Variants in GRAMD2A observed in about 807,000 individuals in gnomAD.
GRAMD2A encodes the protein GRAM domain-containing protein 2A.
A neutral mutation model predicts 51.1 loss-of-function variants in GRAMD2A; 37 were observed. That is an observed-to-expected ratio of 0.72 (90% CI 0.56 to 0.95). The LOEUF (loss-of-function observed/expected upper bound fraction) is 0.95. GRAMD2A is among the 40% of genes least tolerant of loss of function. GRAMD2A has a pLI of 0.00. For synonymous variants in GRAMD2A, 136 were observed against 157.1 expected (o/e 0.87, Z 1.01); for missense variants, 414 against 426.9 (o/e 0.97, Z 0.27).
chr15:72,165,258 C>T (rs1191849258), intron 8 of GRAMD2A, 96 bp downstream of exon 8: 1 of 1,082,052 alleles, frequency 9.2e-7, no homozygotes. Context: ...CCTGGTGCCC[C>T]AGTTCTGCAT....
At chr15:72,167,135 G>A (rs1426250639) in intron 5 of GRAMD2A, 43 bp from the exon 6 acceptor site, 1 of 1,463,226 alleles carries the variant, frequency 6.8e-7, no homozygotes, top group South Asian at 1.1e-5. Flanking sequence ...AACCCCCAAG[G>A]ACGTGGTCCC....
Position 72,166,299 on chromosome 15 carries a change from C to T in GRAMD2A, c.543+333G>A, listed in dbSNP as rs1381495537. Among the ~76,000 whole-genome samples, 1 of 152,202 alleles carries T rather than the reference C, an allele frequency of 6.6e-6. No homozygotes were observed. Among genetic ancestry groups the T allele is most frequent in the East Asian group, 1.9e-4 (1 of 5,202 alleles). On this transcript the variant is annotated intron_variant, in intron 7 of 11. Transcript: ENST00000309731. This position sits in a 1 kb window ranked among gnomAD's most constrained non-coding sequence, Gnocchi z 4.1. Reference sequence around the variant, plus strand: ...GTTTAAGGGAGGTGAGGCTAAGCTACGATGTTCTGTAGGTGATGTGTACCT... The same window carrying T: ...GTTTAAGGGAGGTGAGGCTAAGCTATGATGTTCTGTAGGTGATGTGTACCT...
chr15:72,168,419 A>G, intron 4 of GRAMD2A, 72 bp downstream of exon 4: 1 of 1,048,226 alleles, frequency 9.5e-7, no homozygotes, highest in Non-Finnish European at 1.5e-6. Flanking sequence ...CGTGCTTTGG[A>G]GGCTCCAGAG....
chr15:72,181,077 G>A (rs1299964649), intron 1 of GRAMD2A, among the ~76,000 whole-genome samples: 1 of 152,232 alleles, frequency 6.6e-6, no homozygotes, highest in Admixed American at 6.5e-5. Flanking sequence ...TCACTGTAGA[G>A]GGGTTGCCAT....
chr15:72,188,255 T>A (rs1267542336), intron 1 of GRAMD2A, among the ~76,000 whole-genome samples: 1 of 151,716 alleles, frequency 6.6e-6, no homozygotes, highest in East Asian at 1.9e-4. Context: ...GAGAATCACT[T>A]GAACCCAGGA....
chr15:72,188,462 C>A (rs1484787250), intron 1 of GRAMD2A, among the ~76,000 whole-genome samples: 2 of 151,946 alleles, frequency 1.3e-5, no homozygotes, highest in East Asian at 3.8e-4. Context: ...GCTATGTAAC[C>A]ATTAAAAATA....
At chr15:72,163,535 G>A (rs1372284238) in intron 9 of GRAMD2A, 59 bp from the exon 10 acceptor site, 3 of 1,597,598 alleles carry the variant, frequency 1.9e-6, no homozygotes, top group Non-Finnish European at 2.6e-6. Context: ...GCTGTGGTGA[G>A]CCCTTTTTAT....
rs78071470 is a variant in GRAMD2A, at chr15:72,169,505, G to C, written c.134+342C>G. On this transcript the variant is annotated intron_variant, in intron 2 of 11. Transcript: ENST00000309731. ...TGTGGCCTGAGCTCTGCTGCGGGGA[G>C]CTTGGCACAGACTCACCTGACCTGG... The C allele has an allele frequency of 0.013, 7,243 of 542,978 alleles. 491 individuals carry two copies. The East Asian group carries it at 0.17, about 13-fold the overall frequency. The allele number at this position is 542,978 out of a possible 1,614,324, so 33.6% of individuals were successfully genotyped here.
At position 72,160,542 on chromosome 15, in the gene GRAMD2A, C is replaced by T. The variant is rs1444413089; in HGVS notation, c.*1467G>A. 1 of 152,182 alleles carries T rather than the reference C, an allele frequency of 6.6e-6. No individual in the cohort carries two copies. Among genetic ancestry groups the T allele is most frequent in the African/African-American group, 2.4e-5 (1 of 41,416 alleles). The allele number at this position is 152,182 out of a possible 1,614,324, so 9.4% of individuals were successfully genotyped here. The stretch of plus-strand genomic sequence containing the variant: ...ACAGGACAGACAGTCGTCTGCTTCA[C>T]AATAAATAATTTCCACCTGGATTTC... On this transcript the variant is annotated 3_prime_UTR_variant, in exon 12 of 12. Coordinates refer to ENST00000309731, the MANE Select transcript of GRAMD2A (RefSeq NM_001012642.3).
At chr15:72,193,734 G>T (rs985159144) in intron 1 of GRAMD2A, among the ~76,000 whole-genome samples, 3 of 150,258 alleles carry the variant, frequency 2.0e-5, no homozygotes, top group Non-Finnish European at 4.4e-5. Flanking sequence ...CGCCCTGTTA[G>T]CCAGGATGGT....
rs1017049626 is a variant in GRAMD2A, at chr15:72,178,829, C to T, written c.42-8890G>A. 1.5e-4 allele frequency among the ~76,000 whole-genome samples: 23 copies of T among 152,072 alleles called. 1 individual carries two copies. The highest frequency in any genetic ancestry group is 3.9e-4 in the Admixed American group (6 of 15,272). On this transcript the variant is annotated intron_variant, in intron 1 of 11. Transcript: ENST00000309731. The stretch of plus-strand genomic sequence containing the variant: ...GACCTTGTGATCCGCCCGCCTCGGC[C>T]TCCCAAAGTGCTGGGATTACAGTTG...
At chr15:72,178,715 C>T (rs1190978737) in intron 1 of GRAMD2A, among the ~76,000 whole-genome samples, 1 of 151,608 alleles carries the variant, frequency 6.6e-6, no homozygotes, top group African/African-American at 2.4e-5. Context: ...GCTGGGACTA[C>T]AGGCGCCCGC....
At chr15:72,197,113 C>T (rs2140564817) in intron 1 of GRAMD2A, among the ~76,000 whole-genome samples, 1 of 152,352 alleles carries the variant, frequency 6.6e-6, no homozygotes, top group Non-Finnish European at 1.5e-5. Flanking sequence ...ATCCCTTTCT[C>T]CCAGGGCGAC....
At chr15:72,172,703 T>C (rs2081622746) in intron 1 of GRAMD2A, among the ~76,000 whole-genome samples, 1 of 152,180 alleles carries the variant, frequency 6.6e-6, no homozygotes, top group South Asian at 2.1e-4. Flanking sequence ...AGTGCTGGGA[T>C]TACAGGTGTG....
rs956304658 is a variant in GRAMD2A at position 72,170,156 on chromosome 15, G to A, written c.42-217C>T. On this transcript the variant is annotated intron_variant, in intron 1 of 11. Transcript: ENST00000309731. The surrounding 1 kb of genome is among the most constrained non-coding windows in gnomAD (Gnocchi z 4.5). ...GCGGGTCTCACACAGCGTCTTTCCC[G>A]AAAGCCAGAAGTTCTGCTTATGCCT... 3.0e-6 allele frequency: 2 copies of A among 663,146 alleles called. No homozygotes were observed. The highest frequency in any genetic ancestry group is 5.6e-6 in the Non-Finnish European group (2 of 360,214). 41.1% of individuals were successfully genotyped at this position (663,146 alleles called of 1,614,324 possible). A position where few individuals can be genotyped will look rare whatever the true frequency, so the allele number is the denominator to read the frequency against.
intron 1 of GRAMD2A, among the ~76,000 whole-genome samples, chr15:72,191,612 T>G (rs571604536): frequency 6.6e-6 from 1 of 152,340 alleles, no homozygotes; most frequent in Admixed American, 6.5e-5. Context: ...CTGCATGAAA[T>G]AATCATCAAT....
Position 72,171,835 on chromosome 15 carries a change from AT to A in GRAMD2A, c.42-1897del, listed in dbSNP as rs143285493. 1.9e-3 allele frequency among the ~76,000 whole-genome samples: 278 copies of A among 144,430 alleles called. 2 individuals carry two copies. Among genetic ancestry groups the A allele is most frequent in the African/African-American group, 6.5e-3 (253 of 39,176 alleles). The allele number at this position is 144,430 out of a possible 152,430, so 94.8% of individuals were successfully genotyped here. A position where few individuals can be genotyped will look rare whatever the true frequency, so the allele number is the denominator to read the frequency against. ...TGTATAAATTTTTTCTGGCTTTTTTATTTTTTTTTTTTGAGATGGAGTCTCT... is the reference window on the plus strand; with the variant it reads ...TGTATAAATTTTTTCTGGCTTTTTTATTTTTTTTTTTGAGATGGAGTCTCT... On this transcript the variant is annotated intron_variant, in intron 1 of 11. Transcript: ENST00000309731.
At position 72,161,906 on chromosome 15, in the gene GRAMD2A, G is replaced by T; in HGVS notation, c.*103C>A. ...TCTGGAATATTTTCCTTCATAGGCA[G>T]TCTTAGCACAGCAGCAGCATAAACC... is the stretch of plus-strand genomic sequence containing the variant. On this transcript the variant is annotated 3_prime_UTR_variant, in exon 12 of 12. Transcript: ENST00000309731. The T allele has an allele frequency of 8.1e-7, 1 of 1,239,984 alleles. No homozygotes were observed. The highest frequency in any genetic ancestry group is 1.2e-6 in the Non-Finnish European group (1 of 839,086). 76.8% of individuals were successfully genotyped at this position (1,239,984 alleles called of 1,614,324 possible).
intron 1 of GRAMD2A, among the ~76,000 whole-genome samples, chr15:72,195,790 C>T (rs950987524): frequency 6.6e-6 from 1 of 151,846 alleles, no homozygotes; most frequent in Non-Finnish European, 1.5e-5. Flanking sequence ...TGTGGTGGCG[C>T]ATGCCTGTAA....
Sources: allele counts gnomAD v4.1 joint callset (sites outside exome capture counted in the v4.1 genomes callset), GRCh38; gene constraint gnomAD v4.1.1; non-coding constraint Gnocchi (gnomAD v3.1); transcripts MANE v1.5; gene names NCBI Gene and HGNC (gene_info 2026-07-23, HGNC 2026-07-21).